The following KPNA7 variants were observed in gnomAD, a reference collection of about 807,000 sequenced individuals.
KPNA7 encodes importin subunit alpha-8.
KPNA7 carries 54 observed loss-of-function variants against 53.7 expected under a neutral mutation model. That is an observed-to-expected ratio of 1.01 (90% CI 0.81 to 1.26). The LOEUF (loss-of-function observed/expected upper bound fraction) is 1.26. KPNA7 is among the 50% of genes most tolerant of loss of function. The pLI is 0.00. For synonymous variants in KPNA7, 276 were observed against 259.3 expected (o/e 1.06, Z -0.62); for missense variants, 640 against 644.5 (o/e 0.99, Z 0.07).
intron 1 of KPNA7, among the ~76,000 whole-genome samples, chr7:99,218,569 G>A (rs868060902): frequency 6.6e-6 from 1 of 152,288 alleles, no homozygotes; most frequent in Middle Eastern, 3.4e-3. Flanking sequence ...CCGCAAGCCC[G>A]CGTCTGGGCT....
At chr7:99,168,132 C>T in the KPNA7 span, among the ~76,000 whole-genome samples, 1 of 152,262 alleles carries the variant, frequency 6.6e-6, no homozygotes, top group Non-Finnish European at 1.5e-5. Flanking sequence ...TGGAACTTGA[C>T]TTACCTTACA....
chr7:99,193,692 G>A (rs1360341616), intron 5 of KPNA7, among the ~76,000 whole-genome samples: 6 of 151,184 alleles, frequency 4.0e-5, no homozygotes, highest in Admixed American at 4.0e-4. Flanking sequence ...TGGCGGGGGA[G>A]GGGGATACAG....
At chr7:99,146,711 TAAAAAAAAAAAAAAAAAAAAAA>T in the KPNA7 span, among the ~76,000 whole-genome samples, 1,511 of 70,454 alleles carry the variant, frequency 0.021, 61 homozygotes, top group African/African-American at 0.083. Context: ...GACTGTGTCT[TAAAAAAAAAAAAAAAAAAAAAA>T]AAAAAAAAAA....
chr7:99,215,150 G>A (rs1226297722), intron 1 of KPNA7, among the ~76,000 whole-genome samples: 1 of 151,820 alleles, frequency 6.6e-6, no homozygotes, highest in Non-Finnish European at 1.5e-5. Context: ...GAGGTGGGTG[G>A]ATCACAAGGT....
chr7:99,173,361 T>G (rs1798807051), downstream of KPNA7, among the ~76,000 whole-genome samples: 1 of 151,952 alleles, frequency 6.6e-6, no homozygotes, highest in South Asian at 2.1e-4. Context: ...CTGGCTAATT[T>G]TTTGTATTTT....
chr7:99,210,178 C>G (rs949933470), upstream of KPNA7, among the ~76,000 whole-genome samples: 1 of 152,170 alleles, frequency 6.6e-6, no homozygotes, highest in African/African-American at 2.4e-5. Context: ...TTCTAGACCC[C>G]TGGGCTTCAT....
intron 6 of KPNA7, among the ~76,000 whole-genome samples, chr7:99,190,772 C>T (rs1486091221): frequency 6.6e-6 from 1 of 151,916 alleles, no homozygotes; most frequent in Non-Finnish European, 1.5e-5. Flanking sequence ...CTTGCCTTCC[C>T]AAGTAGCTGG....
downstream of KPNA7, among the ~76,000 whole-genome samples, chr7:99,169,622 T>C (rs576563748): frequency 9.4e-4 from 142 of 150,378 alleles, no homozygotes; most frequent in Non-Finnish European, 1.4e-3. Context: ...ATCTCAAAAA[T>C]AGATAAATAA....
At chr7:99,165,926 G>A in the KPNA7 span, among the ~76,000 whole-genome samples, 20 of 152,254 alleles carry the variant, frequency 1.3e-4, no homozygotes, top group East Asian at 1.9e-4. Context: ...GAGGTGATTG[G>A]ATCATGGAGG....
intron 8 of KPNA7, among the ~76,000 whole-genome samples, chr7:99,182,499 T>A (rs1471441745): frequency 2.0e-5 from 3 of 152,110 alleles, no homozygotes; most frequent in Admixed American, 2.0e-4. Flanking sequence ...CATACCCAGC[T>A]AATTTTCGTA....
At chr7:99,199,455 A>G (rs1790403630) in intron 3 of KPNA7, among the ~76,000 whole-genome samples, 1 of 152,200 alleles carries the variant, frequency 6.6e-6, no homozygotes, top group African/African-American at 2.4e-5. Context: ...TTCACGGTCA[A>G]TTGATTTTTT....
At chr7:99,195,938 C>T (rs927721859) in intron 4 of KPNA7, 146 bp downstream of exon 4, 7 of 645,230 alleles carry the variant, frequency 1.1e-5, no homozygotes, top group Admixed American at 2.7e-5. Context: ...ATAGCAATTT[C>T]GTCTTTTAGA....
In KPNA7 at chr7:99,178,003, C is replaced by G; in HGVS notation, c.1381G>C (p.Asp461His). Residue 461 changes from aspartate to histidine, a missense_variant, in exon 10 of 11, where the codon GAT (aspartate) becomes CAT (histidine). Asp to His is a moderately conservative substitution (Grantham distance 81). Coordinates refer to ENST00000327442, the MANE Select transcript of KPNA7 (RefSeq NM_001145715.3). Reference sequence around the variant, plus strand: ...TGCAGCTGTAAAGCCTCAATTCTATCGATCCCACCAAGTTCTTCTATCAGA... The same window carrying G: ...TGCAGCTGTAAAGCCTCAATTCTATGGATCCCACCAAGTTCTTCTATCAGA... ...CLLIEELGGIDRIEALQLHEN... is the reference protein window; with the variant it reads ...CLLIEELGGIHRIEALQLHEN... 6.4e-7 allele frequency: 1 copy of G among 1,551,798 alleles called. No individual in the cohort carries two copies. Among genetic ancestry groups the G allele is most frequent in the African/African-American group, 1.4e-5 (1 of 73,154 alleles).
At chr7:99,203,342 A>G (rs1163074129) in intron 2 of KPNA7, 102 bp from the exon 3 acceptor site, 4 of 1,241,082 alleles carry the variant, frequency 3.2e-6, no homozygotes, top group Admixed American at 2.2e-5. Flanking sequence ...TTTTACAGAT[A>G]CAATAGGCTG....
the KPNA7 span, among the ~76,000 whole-genome samples, chr7:99,148,918 C>T: frequency 3.6e-5 from 4 of 112,172 alleles, no homozygotes; most frequent in African/African-American, 9.7e-5. Flanking sequence ...TTTTTTGAGA[C>T]GGAGTCTTGC....
chr7:99,157,229 G>T, the KPNA7 span, among the ~76,000 whole-genome samples: 1 of 152,048 alleles, frequency 6.6e-6, no homozygotes, highest in East Asian at 1.9e-4. Flanking sequence ...CAATTTTCTT[G>T]ACAGAGTTTT....
At chr7:99,180,041 G>A (rs1281331053) in intron 9 of KPNA7, among the ~76,000 whole-genome samples, 1 of 152,190 alleles carries the variant, frequency 6.6e-6, no homozygotes, top group Non-Finnish European at 1.5e-5. Flanking sequence ...GTGACAGAAT[G>A]TGACCTCCAA....
At chr7:99,191,915 G>T (rs954826161) in intron 6 of KPNA7, among the ~76,000 whole-genome samples, 2 of 152,156 alleles carry the variant, frequency 1.3e-5, no homozygotes, top group African/African-American at 4.8e-5. Context: ...TTCCCAAATT[G>T]TTGGGATTAC....
chr7:99,191,202 G>A (rs1789934593), intron 6 of KPNA7, among the ~76,000 whole-genome samples: 1 of 150,512 alleles, frequency 6.6e-6, no homozygotes, highest in Non-Finnish European at 1.5e-5. Flanking sequence ...TCTGTCACCA[G>A]GCTGGAGTAC....
Sources: allele counts gnomAD v4.1 joint callset (sites outside exome capture counted in the v4.1 genomes callset), GRCh38; gene constraint gnomAD v4.1.1; transcripts MANE v1.5; gene names NCBI Gene and HGNC (gene_info 2026-07-23, HGNC 2026-07-21).